Variants in NLRP7 observed in about 807,000 individuals in gnomAD.
The protein encoded by NLRP7 is NACHT, LRR and PYD domains-containing protein 7.
In NLRP7, 72 loss-of-function variants were observed where a neutral mutation model predicts 85.5. The observed-to-expected ratio is 0.84, with a 90% CI of 0.70 to 1.02. NLRP7 has a LOEUF of 1.02. Among genes scored for constraint, NLRP7 ranks in the 50% least tolerant of loss-of-function variants. NLRP7 has a pLI of 0.00. For synonymous variants in NLRP7, 550 were observed against 505.2 expected (o/e 1.09, Z -1.19); for missense variants, 1,243 against 1,219.5 (o/e 1.02, Z -0.29).
At chr19:54,949,652 A>G (rs2069607501), upstream of NLRP7, among the ~76,000 whole-genome samples, 1 of 152,082 alleles carries the variant, frequency 6.6e-6, no homozygotes, top group Non-Finnish European at 1.5e-5. Flanking sequence ...ACTGGCTGCC[A>G]AAGAAACCGT....
rs936768831 is a variant in NLRP7, at chr19:54,941,313, G to A, written c.277+122C>T. ...TGAACCCAGAGGCGGAGGTTGCAGT[G>A]AGCCCAGATCTCGCCACTGCACTCC... On this transcript the variant is annotated intron_variant, in intron 2 of 9. Coordinates refer to ENST00000340844, the Ensembl canonical transcript of NLRP7. 9.4e-6 allele frequency: 7 copies of A among 747,336 alleles called. No individual in the cohort carries two copies. The East Asian group carries it at 1.0e-4, about 11-fold the overall frequency. 46.3% of individuals were successfully genotyped at this position (747,336 alleles called of 1,614,324 possible).
exon 4 of NLRP7, chr19:54,939,081 C>T: frequency 6.2e-7 from 1 of 1,614,222 alleles, no homozygotes; most frequent in Non-Finnish European, 8.5e-7. Context: ...AGCTCCTCCT[C>T]CTGAGACTCA....
intron 1 of NLRP7, among the ~76,000 whole-genome samples, chr19:54,944,182 A>C (rs1453597741): frequency 2.0e-5 from 3 of 151,890 alleles, no homozygotes; most frequent in Non-Finnish European, 4.4e-5. Context: ...GTATAAGAGG[A>C]AGGCCTTTTT....
chr19:54,931,860 AC>A (rs1256250478), intron 8 of NLRP7, among the ~76,000 whole-genome samples: 4 of 150,046 alleles, frequency 2.7e-5, no homozygotes, highest in Admixed American at 6.6e-5. Flanking sequence ...AAAAAAAAAA[AC>A]ATCCAAATGG....
At chr19:54,936,128 A>C in intron 6 of NLRP7, 133 bp downstream of exon 6, 2 of 787,592 alleles carry the variant, frequency 2.5e-6, no homozygotes, top group South Asian at 1.5e-5. Context: ...CGACTCCCCC[A>C]CACAGGCCTG....
chr19:54,943,612 CG>C lies in NLRP7; in HGVS notation c.-39-1863del, dbSNP rs957411930. 2.9e-4 allele frequency among the ~76,000 whole-genome samples: 24 copies of C among 81,724 alleles called. 1 individual carries two copies. Among genetic ancestry groups the C allele is most frequent in the Admixed American group, 1.2e-3 (9 of 7,404 alleles). 53.6% of individuals were successfully genotyped at this position (81,724 alleles called of 152,430 possible). A position where few individuals can be genotyped will look rare whatever the true frequency, so the allele number is the denominator to read the frequency against. On this transcript the variant is annotated intron_variant, in intron 1 of 9. Transcript: ENST00000340844. ...CGAGACTCCGTCTGGGTTGGGGGGG[CG>C]GGGGGAAGAGGCAGCCTGGAAAATA...
chr19:54,938,252 A>G lies in NLRP7; in HGVS notation c.1932-11T>C. On this transcript the variant is annotated splice_polypyrimidine_tract_variant and intron_variant, in intron 4 of 9. Coordinates refer to ENST00000340844, the Ensembl canonical transcript of NLRP7. ...GTTAGGTAAGTGCACCTGCAGGAGA[A>G]CACACGTTCATCTCTTAGGACTAGT... 1 of 1,612,446 alleles carries G rather than the reference A, an allele frequency of 6.2e-7. No individual in the cohort carries two copies. Among genetic ancestry groups the G allele is most frequent in the Non-Finnish European group, 8.5e-7 (1 of 1,178,514 alleles).
chr19:54,956,873 A>G (rs1181937709), intron 1 of NLRP7, among the ~76,000 whole-genome samples: 1 of 151,270 alleles, frequency 6.6e-6, no homozygotes, highest in East Asian at 2.0e-4. Context: ...CTGGTGATCC[A>G]CCTGCCTTGG....
At position 54,927,790 on chromosome 19, in the gene NLRP7, C is replaced by T. The variant is rs200945804; in HGVS notation, c.2810+2709G>A. 9.7e-5 allele frequency: 157 copies of T among 1,611,832 alleles called. No homozygotes were observed. In the East Asian group the frequency reaches 2.9e-3, roughly 30 times the overall value. ...AGCTCCAGAGGCTGTTGAGGAAGAACATGGAAATCCACGCATTCACTGAGC... is the reference window on the plus strand; with the variant it reads ...AGCTCCAGAGGCTGTTGAGGAAGAATATGGAAATCCACGCATTCACTGAGC... On this transcript the variant is annotated intron_variant, in intron 9 of 9. Transcript: ENST00000340844.
At chr19:54,947,473 C>T (rs574786876) in exon 1 of NLRP7, 56 of 1,289,636 alleles carry the variant, frequency 4.3e-5, no homozygotes, top group Non-Finnish European at 5.5e-5. Context: ...ACTCACCTCC[C>T]TCAGGTCAGG....
chr19:54,957,625 G>A (rs1404002294), intron 1 of NLRP7, among the ~76,000 whole-genome samples: 5 of 152,010 alleles, frequency 3.3e-5, no homozygotes, highest in African/African-American at 7.2e-5. Flanking sequence ...GATCACAGGC[G>A]TGAGCCACTG....
chr19:54,925,259 G>A (rs2068382086), intron 9 of NLRP7, among the ~76,000 whole-genome samples: 1 of 152,080 alleles, frequency 6.6e-6, no homozygotes, highest in African/African-American at 2.4e-5. Flanking sequence ...AATAGTCCTT[G>A]GTGGCATTAC....
Position 54,939,114 on chromosome 19 carries a change from T to A in NLRP7, c.1705A>T (p.Lys569Ter). 6.2e-7 allele frequency: 1 copy of A among 1,614,204 alleles called. No homozygotes were observed. The highest frequency in any genetic ancestry group is 8.5e-7 in the Non-Finnish European group (1 of 1,180,036). Residue 569 changes from lysine to a stop codon, truncating the protein, a stop_gained, in exon 4 of 10, where the codon AAG becomes TAG. Coordinates refer to ENST00000340844, the Ensembl canonical transcript of NLRP7. LOFTEE classifies it high-confidence loss of function. ...TCATACAGGCAGCCCAAGACCTCCT[T>A]CAGGTCGGTCACGGATAAGGGCTTA...
intron 9 of NLRP7, among the ~76,000 whole-genome samples, chr19:54,928,811 G>GTT (rs56391688): frequency 6.6e-5 from 10 of 151,258 alleles, no homozygotes; most frequent in African/African-American, 1.9e-4. Context: ...CTTTGGTTTT[G>GTT]TTTTTTTTAA....
intron 4 of NLRP7, among the ~76,000 whole-genome samples, chr19:54,938,521 T>C (rs1180959948): frequency 6.6e-6 from 1 of 152,120 alleles, no homozygotes; most frequent in Non-Finnish European, 1.5e-5. Context: ...CCCAGGAGTT[T>C]AAGACCAACT....
intron 5 of NLRP7, among the ~76,000 whole-genome samples, chr19:54,936,744 G>A (rs2068946416): frequency 6.6e-6 from 1 of 151,998 alleles, no homozygotes; most frequent in South Asian, 2.1e-4. Context: ...GGGAAGCCCC[G>A]TCTCTACTAA....
At chr19:54,951,879 T>C (rs1045458262), upstream of NLRP7, among the ~76,000 whole-genome samples, 6 of 151,962 alleles carry the variant, frequency 3.9e-5, no homozygotes, top group Non-Finnish European at 7.4e-5. Flanking sequence ...GCCTCCCGAA[T>C]AGCTGGGACT....
At chr19:54,954,583 G>T (rs1179030208) in intron 1 of NLRP7, among the ~76,000 whole-genome samples, 1 of 148,210 alleles carries the variant, frequency 6.7e-6, no homozygotes, top group East Asian at 2.0e-4. Flanking sequence ...GGTGGCTTAC[G>T]CCTGTAATCC....
Position 54,934,819 on chromosome 19 carries a change from C to T in NLRP7, c.2301-160G>A, listed in dbSNP as rs2068837218. Among the ~76,000 whole-genome samples, 1 of 152,170 alleles carries T rather than the reference C, an allele frequency of 6.6e-6. No homozygotes were observed. Among genetic ancestry groups the T allele is most frequent in the African/African-American group, 2.4e-5 (1 of 41,544 alleles). Reference sequence around the variant, plus strand: ...CCGCCTCCCGGGTTCAAGCTATTCTCCTGCCTCAGCCTCCGAAGTAGCTGG... The same window carrying T: ...CCGCCTCCCGGGTTCAAGCTATTCTTCTGCCTCAGCCTCCGAAGTAGCTGG... On this transcript the variant is annotated intron_variant, in intron 6 of 9. Transcript: ENST00000340844. The surrounding 1 kb of genome is among the most constrained non-coding windows in gnomAD (Gnocchi z 6.7).
Sources: allele counts gnomAD v4.1 joint callset (sites outside exome capture counted in the v4.1 genomes callset), GRCh38; gene constraint gnomAD v4.1.1; non-coding constraint Gnocchi (gnomAD v3.1); transcripts MANE v1.5; gene names NCBI Gene and HGNC (gene_info 2026-07-23, HGNC 2026-07-21).